Variants in FTO observed in about 807,000 individuals in gnomAD.
FTO encodes the protein alpha-ketoglutarate-dependent dioxygenase FTO.
A neutral mutation model predicts 63.9 loss-of-function variants in FTO; 47 were observed. That is an observed-to-expected ratio of 0.74 (90% CI 0.58 to 0.94). The LOEUF is 0.94. Ranked by LOEUF, FTO falls within the 40% of genes least tolerant of loss-of-function variation. The pLI is 0.00. For missense variants in FTO, 562 were observed against 618.1 expected, an observed-to-expected ratio of 0.91 and a Z score of 0.96; for synonymous variants, 207 against 224.4, an observed-to-expected ratio of 0.92 and a Z score of 0.69.
intron 8 of FTO, among the ~76,000 whole-genome samples, chr16:54,028,215 T>C (rs2084756615): frequency 1.3e-5 from 2 of 152,188 alleles, no homozygotes; most frequent in African/African-American, 4.8e-5. Flanking sequence ...GAGTGAAAAC[T>C]TGGCAATAGT....
chr16:53,985,741 C>T (rs76536391), intron 8 of FTO, among the ~76,000 whole-genome samples: 4,943 of 152,250 alleles, frequency 0.032, 123 homozygotes, highest in Middle Eastern at 0.078. Context: ...TCTTTTTCTC[C>T]TTCCCCACCT....
chr16:53,777,070 G>T (rs1434705282), intron 1 of FTO, among the ~76,000 whole-genome samples: 1 of 152,110 alleles, frequency 6.6e-6, no homozygotes. Flanking sequence ...TCTTTGTGGT[G>T]AGAATACTTA....
intron 1 of FTO, among the ~76,000 whole-genome samples, chr16:53,783,427 G>A (rs1365256038): frequency 6.6e-6 from 1 of 151,970 alleles, no homozygotes; most frequent in Non-Finnish European, 1.5e-5. Flanking sequence ...CTAACACGGT[G>A]AAACCCCGTC....
chr16:53,756,497 A>G (rs915142203), intron 1 of FTO, among the ~76,000 whole-genome samples: 3 of 152,226 alleles, frequency 2.0e-5, no homozygotes, highest in African/African-American at 7.2e-5. Context: ...TTCCGGCCAT[A>G]AAGTTTGCAT....
chr16:54,050,978 C>A (rs2085298454), intron 8 of FTO, among the ~76,000 whole-genome samples: 1 of 152,174 alleles, frequency 6.6e-6, no homozygotes, highest in Non-Finnish European at 1.5e-5. Flanking sequence ...AATCGCACCA[C>A]AAGCAGTTGG....
At chr16:53,876,566 A>G (rs2080660098) in intron 5 of FTO, among the ~76,000 whole-genome samples, 1 of 152,208 alleles carries the variant, frequency 6.6e-6, no homozygotes, top group Non-Finnish European at 1.5e-5. Flanking sequence ...CAAATATTCC[A>G]AGAATTCTTA....
chr16:54,035,346 T>C (rs2084920630), intron 8 of FTO, among the ~76,000 whole-genome samples: 1 of 152,238 alleles, frequency 6.6e-6, no homozygotes, highest in African/African-American at 2.4e-5. Context: ...GCCCCTCAGT[T>C]TGGTTGAGGG....
intron 4 of FTO, among the ~76,000 whole-genome samples, chr16:53,870,849 A>G (rs2080472332): frequency 6.6e-6 from 1 of 152,270 alleles, no homozygotes; most frequent in African/African-American, 2.4e-5. Flanking sequence ...AACTATTCTT[A>G]TAGTGTAAAT....
intron 1 of FTO, among the ~76,000 whole-genome samples, chr16:53,805,669 C>T (rs929461276): frequency 1.3e-5 from 2 of 152,042 alleles, no homozygotes; most frequent in African/African-American, 2.4e-5. Flanking sequence ...AAGCTGGTCT[C>T]GAACTCCTGA....
At chr16:54,048,960 T>C (rs935006405) in intron 8 of FTO, among the ~76,000 whole-genome samples, 2 of 152,236 alleles carry the variant, frequency 1.3e-5, no homozygotes, top group African/African-American at 4.8e-5. Context: ...AAGGACCATG[T>C]AATTTCTCCA....
chr16:53,890,335 C>A (rs2081113668), intron 7 of FTO, among the ~76,000 whole-genome samples: 1 of 152,238 alleles, frequency 6.6e-6, no homozygotes, highest in African/African-American at 2.4e-5. Context: ...GATACATGTA[C>A]CTTCATGAAA....
At chr16:53,970,159 C>T (rs2083283900) in intron 8 of FTO, among the ~76,000 whole-genome samples, 1 of 152,158 alleles carries the variant, frequency 6.6e-6, no homozygotes, top group South Asian at 2.1e-4. Flanking sequence ...CAAACTAAAG[C>T]TCAAGTTTAA....
At chr16:54,055,218 G>A (rs1402759233) in intron 8 of FTO, among the ~76,000 whole-genome samples, 3 of 152,184 alleles carry the variant, frequency 2.0e-5, no homozygotes, top group African/African-American at 7.2e-5. Context: ...GCTCTGTTTG[G>A]AGTAGAGAAG....
At chr16:53,810,067 T>C (rs2078480097) in intron 1 of FTO, 73 bp from the exon 2 acceptor site, 1 of 1,011,960 alleles carries the variant, frequency 9.9e-7, no homozygotes. Flanking sequence ...TATTCTCTTA[T>C]TGGAAAAATA....
intron 6 of FTO, among the ~76,000 whole-genome samples, chr16:53,883,544 C>T (rs2080901562): frequency 6.7e-6 from 1 of 150,014 alleles, no homozygotes; most frequent in South Asian, 2.1e-4. Flanking sequence ...ATCGCTTGAA[C>T]CCGGGAGGCA....
chr16:53,821,401 T>C (rs567426544), intron 2 of FTO, among the ~76,000 whole-genome samples: 1 of 152,238 alleles, frequency 6.6e-6, no homozygotes, highest in Non-Finnish European at 1.5e-5. Context: ...AGTATAGTGA[T>C]AGAATTAGAG....
chr16:53,827,692 C>G (rs938656612), intron 3 of FTO, among the ~76,000 whole-genome samples: 1 of 152,186 alleles, frequency 6.6e-6, no homozygotes, highest in Non-Finnish European at 1.5e-5. Flanking sequence ...ACTAGTTTAG[C>G]ATTTGGAAAT....
chr16:54,098,468 A>C (rs1165022720), intron 8 of FTO, among the ~76,000 whole-genome samples: 1 of 152,230 alleles, frequency 6.6e-6, no homozygotes, highest in African/African-American at 2.4e-5. Context: ...GGAGACTGAC[A>C]GGTGAGCAGA....
At chr16:53,770,539 A>G (rs1324246496) in intron 1 of FTO, among the ~76,000 whole-genome samples, 1 of 152,152 alleles carries the variant, frequency 6.6e-6, no homozygotes, top group Non-Finnish European at 1.5e-5. Context: ...AGGTCTTAAC[A>G]TTCCTATTGT....
Sources: gnomAD v4.1 joint callset for allele counts (sites outside exome capture counted in the v4.1 genomes callset) on GRCh38, gnomAD v4.1.1 for gene constraint, MANE v1.5 for transcripts, NCBI Gene and HGNC (gene_info 2026-07-23, HGNC 2026-07-21) for gene names.